The following FSHR variants were observed in gnomAD, a reference collection of about 807,000 sequenced individuals.
FSHR encodes follicle stimulating hormone receptor, also known as follicle-stimulating hormone receptor.
Under a neutral mutation model 52.1 loss-of-function variants are expected in FSHR, and 46 were observed. The ratio of observed to expected loss-of-function variants is 0.88; its 90% CI spans 0.70 to 1.13. The LOEUF (loss-of-function observed/expected upper bound fraction) is 1.13, where lower values mean the gene tolerates loss of function less well. Among genes scored for constraint, FSHR ranks in the 50% most tolerant of loss-of-function variants. The probability of loss-of-function intolerance (pLI) is 0.00; values close to 1 mark genes in which losing one functional copy is unlikely to be tolerated. For synonymous variants in FSHR, 399 were observed against 309.6 expected (o/e 1.29, Z -3.03); for missense variants, 964 against 834.6 (o/e 1.16, Z -1.91).
chr2:49,092,356 C>T (rs915590394), intron 1 of FSHR, among the ~76,000 whole-genome samples: 1 of 152,052 alleles, frequency 6.6e-6, no homozygotes, highest in Middle Eastern at 3.2e-3. Context: ...ATCTGAATGC[C>T]TTTTATTTTT....
In FSHR at chr2:49,078,200, G is replaced by C. The variant is rs190988046; in HGVS notation, c.153-9910C>G. On this transcript the variant is annotated intron_variant, in intron 1 of 9. Transcript: ENST00000406846. The stretch of plus-strand genomic sequence containing the variant: ...TGGCTGAGGAGGCCTCACAATCATG[G>C]TGGAAAGCAAGGAGGAGCAAGTCAC... Among the ~76,000 whole-genome samples, 4 of 152,304 alleles carry C rather than the reference G, an allele frequency of 2.6e-5. No homozygotes were observed. In the East Asian group the frequency reaches 7.7e-4, roughly 29 times the overall value.
chr2:49,077,651 G>A (rs1669997848), intron 1 of FSHR, among the ~76,000 whole-genome samples: 1 of 151,984 alleles, frequency 6.6e-6, no homozygotes, highest in African/African-American at 2.4e-5. Flanking sequence ...CTGAACTTTT[G>A]GCTCTGATTA....
At chr2:49,142,537 G>A (rs1672724566) in intron 1 of FSHR, among the ~76,000 whole-genome samples, 2 of 152,192 alleles carry the variant, frequency 1.3e-5, no homozygotes, top group Non-Finnish European at 2.9e-5. Context: ...GCTCACTCCT[G>A]ACTCTCTGGC....
At chr2:49,040,307 G>T (rs201307243) in intron 2 of FSHR, among the ~76,000 whole-genome samples, 19 of 84,720 alleles carry the variant, frequency 2.2e-4, no homozygotes, top group African/African-American at 9.7e-4. Flanking sequence ...GTGTACCTCA[G>T]ACTGGGGAGT....
chr2:48,974,070 G>A (rs1674866003), intron 8 of FSHR, among the ~76,000 whole-genome samples: 1 of 152,194 alleles, frequency 6.6e-6, no homozygotes, highest in Admixed American at 6.5e-5. Flanking sequence ...TTTTACAAAA[G>A]AGCTAATTCT....
In FSHR at chr2:48,983,250, G is replaced by A. The variant is rs116271943; in HGVS notation, c.525-84C>T. On this transcript the variant is annotated intron_variant, in intron 6 of 9. Coordinates refer to ENST00000406846, the MANE Select transcript of FSHR (RefSeq NM_000145.4). ...TCATAATTGGAAGCACTGAGCAAGG[G>A]CAGACAGCACAGGTTAGTGGCATAA... 3.0e-3 allele frequency: 3,837 copies of A among 1,272,604 alleles called. 64 individuals are homozygous for A. The African/African-American group carries it at 0.044, about 14-fold the overall frequency. The allele number at this position is 1,272,604 out of a possible 1,614,324, so 78.8% of individuals were successfully genotyped here.
At chr2:49,052,625 C>T (rs1313657532) in intron 2 of FSHR, among the ~76,000 whole-genome samples, 1 of 152,150 alleles carries the variant, frequency 6.6e-6, no homozygotes, top group African/African-American at 2.4e-5. Context: ...CCTTGTTATT[C>T]CCAGGGACTC....
Position 49,147,120 on chromosome 2 carries a change from C to T in FSHR, c.152+7146G>A, listed in dbSNP as rs116590553. The stretch of plus-strand genomic sequence containing the variant: ...TTCAGATCAGCCAGCCTATTTCATA[C>T]GAAAGAACAAGGTAATGGCATGTTC... On this transcript the variant is annotated intron_variant, in intron 1 of 9. Transcript: ENST00000406846. Among the ~76,000 whole-genome samples, 443 of 152,082 alleles carry T rather than the reference C, an allele frequency of 2.9e-3. 2 individuals are homozygous for T. Among genetic ancestry groups the T allele is most frequent in the Non-Finnish European group, 4.8e-3 (327 of 67,950 alleles).
intron 1 of FSHR, among the ~76,000 whole-genome samples, chr2:49,145,197 G>T (rs1481447099): frequency 6.6e-6 from 1 of 152,120 alleles, no homozygotes; most frequent in East Asian, 1.9e-4. Flanking sequence ...TCCCTTTGGT[G>T]CTCTTTTCTA....
chr2:49,086,129 A>G, intron 1 of FSHR, among the ~76,000 whole-genome samples: 1 of 152,168 alleles, frequency 6.6e-6, no homozygotes, highest in Non-Finnish European at 1.5e-5. Flanking sequence ...AAATATAGAA[A>G]GGTTTTCTTA....
At chr2:49,136,590 A>G (rs1572795149) in intron 1 of FSHR, among the ~76,000 whole-genome samples, 1 of 152,164 alleles carries the variant, frequency 6.6e-6, no homozygotes, top group Non-Finnish European at 1.5e-5. Flanking sequence ...ATCTCTTATG[A>G]ATGTAAATTC....
intron 8 of FSHR, among the ~76,000 whole-genome samples, chr2:48,969,731 T>C (rs1674652278): frequency 6.6e-6 from 1 of 152,216 alleles, no homozygotes; most frequent in Admixed American, 6.5e-5. Flanking sequence ...GCCTGTCCAT[T>C]AGACCTCAGC....
At chr2:49,092,216 TG>T (rs1670639268) in intron 1 of FSHR, among the ~76,000 whole-genome samples, 2 of 152,242 alleles carry the variant, frequency 1.3e-5, no homozygotes, top group South Asian at 4.1e-4. Flanking sequence ...ATGTTGACTT[TG>T]CATCCTATGA....
chr2:49,056,445 AATATAT>A (rs70946848), intron 2 of FSHR, among the ~76,000 whole-genome samples: 2,729 of 127,950 alleles, frequency 0.021, 86 homozygotes, highest in African/African-American at 0.079. Flanking sequence ...TTACAATTGG[AATATAT>A]ATATATATAT....
intron 1 of FSHR, among the ~76,000 whole-genome samples, chr2:49,149,604 G>T (rs1386078059): frequency 6.6e-6 from 1 of 151,934 alleles, no homozygotes; most frequent in Admixed American, 6.6e-5. Context: ...ATCACAGAAC[G>T]CCTTGGTATA....
At position 48,968,681 on chromosome 2, in the gene FSHR, T is replaced by A. The variant is rs753971462; in HGVS notation, c.854+17A>T. On this transcript the variant is annotated intron_variant, in intron 9 of 9. Coordinates refer to ENST00000406846, the MANE Select transcript of FSHR (RefSeq NM_000145.4). ...CATTGGGGAAATGCCTGAGCAGGGC[T>A]TAAAGGATGGACTCACATTTGCCGT... 3 of 1,613,730 alleles carry A rather than the reference T, an allele frequency of 1.9e-6. No individual in the cohort carries two copies. In the African/African-American group the frequency reaches 4.0e-5, roughly 22 times the overall value.
At chr2:49,061,304 A>T (rs1301884648) in intron 2 of FSHR, among the ~76,000 whole-genome samples, 5 of 152,038 alleles carry the variant, frequency 3.3e-5, no homozygotes, top group African/African-American at 1.2e-4. Flanking sequence ...GCTGATATGA[A>T]GCACACCTCT....
At chr2:48,966,278 A>G (rs968673082) in intron 9 of FSHR, among the ~76,000 whole-genome samples, 4 of 152,220 alleles carry the variant, frequency 2.6e-5, no homozygotes, top group Non-Finnish European at 5.9e-5. Context: ...ACTTAGAAGC[A>G]TATGCAACAG....
intron 8 of FSHR, among the ~76,000 whole-genome samples, chr2:48,972,783 T>G (rs1350189097): frequency 6.6e-6 from 1 of 152,218 alleles, no homozygotes; most frequent in African/African-American, 2.4e-5. Context: ...TTGCCTCTCA[T>G]GAACATTTTT....
Sources: allele counts gnomAD v4.1 joint callset (sites outside exome capture counted in the v4.1 genomes callset), GRCh38; gene constraint gnomAD v4.1.1; transcripts MANE v1.5; gene names NCBI Gene and HGNC (gene_info 2026-07-23, HGNC 2026-07-21).